Variants in RTKN observed in about 807,000 individuals in gnomAD.
RTKN encodes the protein rhotekin.
In RTKN, 49 loss-of-function variants were observed where a neutral mutation model predicts 63.5. The observed-to-expected ratio is 0.77, with a 90% CI of 0.61 to 0.98. The LOEUF (loss-of-function observed/expected upper bound fraction) is 0.98. Ranked by LOEUF, RTKN falls within the 50% of genes least tolerant of loss-of-function variation. The pLI is 0.00. For missense variants in RTKN, 685 were observed against 740.8 expected (o/e 0.92, Z 0.87); for synonymous variants, 295 against 290.4 (o/e 1.02, Z -0.16).
intron 6 of RTKN, among the ~76,000 whole-genome samples, chr2:74,429,375 C>A (rs1670607610): frequency 6.6e-6 from 1 of 152,156 alleles, no homozygotes; most frequent in Non-Finnish European, 1.5e-5. Flanking sequence ...TTAGGTACCA[C>A]CATAGGTCCC....
chr2:74,426,760 C>T, intron 11 of RTKN, 186 bp from the exon 12 acceptor site: 2 of 1,373,050 alleles, frequency 1.5e-6, no homozygotes, highest in Non-Finnish European at 1.9e-6. Flanking sequence ...TCTGATAAGA[C>T]TGTGGGACAT....
Position 74,427,236 on chromosome 2 carries a change from A to G in RTKN, c.1293T>C (p.Ile431=). ...WKQCCDEIMK[I]ETPAPRKPPQ... is the part of the protein sequence containing the mutation. The stretch of plus-strand genomic sequence containing the variant: ...GTGGTTTCCGGGGAGCAGGAGTTTC[A>G]ATTTTCATGATTTCATCACAGCACT... Residue 431 remains isoleucine, a synonymous_variant, in exon 11 of 12, where the codon ATT becomes ATC. Coordinates refer to ENST00000272430, the MANE Select transcript of RTKN (RefSeq NM_001015055.2). 1 of 1,614,128 alleles carries G rather than the reference A, an allele frequency of 6.2e-7. No homozygotes were observed. The highest frequency in any genetic ancestry group is 8.5e-7 in the Non-Finnish European group (1 of 1,180,012).
At position 74,425,899 on chromosome 2, in the gene RTKN, T is replaced by C. The variant is rs1670359971; in HGVS notation, c.*344A>G. ...GGTGAAGGCTGCTGTTAAATAACTTTAATGGTTGATGTGGGAGTCACAAGG... is the reference window on the plus strand; with the variant it reads ...GGTGAAGGCTGCTGTTAAATAACTTCAATGGTTGATGTGGGAGTCACAAGG... On this transcript the variant is annotated 3_prime_UTR_variant, in exon 12 of 12. Transcript: ENST00000272430. The C allele has an allele frequency of 1.2e-6, 1 of 858,466 alleles. No homozygotes were observed. The highest frequency in any genetic ancestry group is 1.7e-5 in the South Asian group (1 of 57,498). 53.2% of individuals were successfully genotyped at this position (858,466 alleles called of 1,614,324 possible).
chr2:74,428,777 G>A, intron 7 of RTKN, 40 bp from the exon 8 acceptor site: 1 of 1,605,848 alleles, frequency 6.2e-7, no homozygotes, highest in South Asian at 1.1e-5. Context: ...AGGGGAATGA[G>A]AAGGGGACCA....
At chr2:74,430,186 G>T in intron 5 of RTKN, 66 bp downstream of exon 5, 1 of 1,548,210 alleles carries the variant, frequency 6.5e-7, no homozygotes, top group Non-Finnish European at 8.9e-7. Flanking sequence ...TTCCTCCCCT[G>T]GAACTCGCTC....
chr2:74,428,695 C>A lies in RTKN; in HGVS notation c.893G>T (p.Cys298Phe), dbSNP rs1315465080. 3 of 1,614,064 alleles carry A rather than the reference C, an allele frequency of 1.9e-6. No homozygotes were observed. In the South Asian group the frequency reaches 3.3e-5, roughly 18 times the overall value. ...GCAGAGAGGCTGAGCTGCCAGACGG[C>A]AACACACGCTACCATAAAGGGGCAG... ...AWLPLYGSVC[C>F]RLAAQPLCMT... Residue 298 changes from cysteine (C) to phenylalanine (F), a missense_variant, in exon 8 of 12, where the codon TGC becomes TTC. Coordinates refer to ENST00000272430, the MANE Select transcript of RTKN (RefSeq NM_001015055.2).
intron 2 of RTKN, among the ~76,000 whole-genome samples, chr2:74,431,596 G>A (rs1670755445): frequency 6.6e-6 from 1 of 152,190 alleles, no homozygotes; most frequent in East Asian, 1.9e-4. Context: ...GCCTCTCAGA[G>A]GCTGTCCCCC....
chr2:74,432,763 G>T, intron 1 of RTKN, 97 bp from the exon 2 acceptor site: 2 of 972,548 alleles, frequency 2.1e-6, no homozygotes, highest in Non-Finnish European at 3.2e-6. Context: ...CAGTAAAACT[G>T]ACAAGAAACT....
chr2:74,438,275 A>T (rs772719842), intron 1 of RTKN, among the ~76,000 whole-genome samples: 3 of 152,050 alleles, frequency 2.0e-5, no homozygotes, highest in Non-Finnish European at 4.4e-5. Context: ...TTGCCCTCCC[A>T]TCCAATCCAT....
In RTKN at chr2:74,426,467, G is replaced by T. The variant is rs765601010; in HGVS notation, c.1468C>A (p.Pro490Thr). Residue 490 changes from proline (P) to threonine (T), a missense_variant, in exon 12 of 12, where the codon CCT becomes ACT. Pro to Thr is a conservative substitution (Grantham distance 38, BLOSUM62 -1). Coordinates refer to ENST00000272430, the MANE Select transcript of RTKN (RefSeq NM_001015055.2). Reference sequence around the variant, plus strand: ...GGCGAGCAGGGGTTAGGCAGGGCAGGCTGGTCTGTAAACATTGCCAGCCAG... The same window carrying T: ...GGCGAGCAGGGGTTAGGCAGGGCAGTCTGGTCTGTAAACATTGCCAGCCAG... ...PPWLAMFTDQ[P>T]ALPNPCSPAS... 1 of 1,610,294 alleles carries T rather than the reference G, an allele frequency of 6.2e-7. No individual in the cohort carries two copies. Among genetic ancestry groups the T allele is most frequent in the Non-Finnish European group, 8.5e-7 (1 of 1,178,004 alleles).
At position 74,441,743 on chromosome 2, in the gene RTKN, C is replaced by T. The variant is rs1203802055; in HGVS notation, c.74G>A (p.Gly25Asp). 1 of 1,611,898 alleles carries T rather than the reference C, an allele frequency of 6.2e-7. No individual in the cohort carries two copies. The highest frequency in any genetic ancestry group is 1.7e-5 in the Admixed American group (1 of 59,958). The change falls in exon 1 of 12, where the codon GGC (glycine) becomes GAC (aspartate). Residue 25 changes from glycine (G) to aspartate (D), a missense_variant. Physicochemically the swap from Gly to Asp is moderately conservative, Grantham distance 94. Coordinates refer to ENST00000272430, the MANE Select transcript of RTKN (RefSeq NM_001015055.2). Reference protein sequence around the residue: ...GSALEMEFKRGRFRLSLFSDL... With the variant: ...GSALEMEFKRDRFRLSLFSDL... ...GCTGAAGAGGCTGAGTCGGAAGCGG[C>T]CGCGTTTGAACTCCATCTCCAGGGC...
At position 74,426,076 on chromosome 2, in the gene RTKN, C is replaced by T; in HGVS notation, c.*167G>A. 1 of 724,282 alleles carries T rather than the reference C, an allele frequency of 1.4e-6. No individual in the cohort carries two copies. Among genetic ancestry groups the T allele is most frequent in the South Asian group, 1.7e-5 (1 of 58,010 alleles). The allele number at this position is 724,282 out of a possible 1,614,324, so 44.9% of individuals were successfully genotyped here. A position where few individuals can be genotyped will look rare whatever the true frequency, so the allele number is the denominator to read the frequency against. Reference sequence around the variant, plus strand: ...ATGAGTCCCTCGGTACCATGGCAACCACAATTTAAGAGGGGCTTCTGCCCA... The same window carrying T: ...ATGAGTCCCTCGGTACCATGGCAACTACAATTTAAGAGGGGCTTCTGCCCA... On this transcript the variant is annotated 3_prime_UTR_variant, in exon 12 of 12. Transcript: ENST00000272430.
At chr2:74,433,242 C>CA (rs58833737) in intron 1 of RTKN, among the ~76,000 whole-genome samples, 712 of 67,972 alleles carry the variant, frequency 0.01, 4 homozygotes, top group Middle Eastern at 0.041. Context: ...GACTCTGGCT[C>CA]AAAAAAAAAA....
intron 8 of RTKN, 25 bp from the exon 9 acceptor site, chr2:74,428,421 T>C (rs1488461866): frequency 6.2e-7 from 1 of 1,614,104 alleles, no homozygotes; most frequent in South Asian, 1.1e-5. Context: ...CAACATTTTC[T>C]GGGGAAGTCA....
chr2:74,441,799 G>A lies in RTKN; in HGVS notation c.18C>T (p.His6=), dbSNP rs1671381460. MFSRN[H]RSRVTVARGS... ...CCCTGGCCACGGTGACCCGGCTCCG[G>A]TGGTTTCGGGAGAACATGCTGGCGG... is the stretch of plus-strand genomic sequence containing the variant. Residue 6 remains histidine (H), a synonymous_variant, in exon 1 of 12, where the codon CAC becomes CAT. Transcript: ENST00000272430. 6.2e-7 allele frequency: 1 copy of A among 1,610,580 alleles called. No homozygotes were observed. Among genetic ancestry groups the A allele is most frequent in the Non-Finnish European group, 8.5e-7 (1 of 1,179,128 alleles).
At chr2:74,433,257 C>CATAT (rs1262494465) in intron 1 of RTKN, among the ~76,000 whole-genome samples, 10 of 144,332 alleles carry the variant, frequency 6.9e-5, no homozygotes, top group African/African-American at 1.0e-4. Flanking sequence ...AAAAAAAAAA[C>CATAT]ATATATATAT....
rs772689280 is a variant in RTKN, at chr2:74,426,429, G to C, written c.1506C>G (p.Ala502=). 9 of 1,612,268 alleles carry C rather than the reference G, an allele frequency of 5.6e-6. No individual in the cohort carries two copies. In the African/African-American group the frequency reaches 1.1e-4, roughly 19 times the overall value. Residue 502 remains alanine, a synonymous_variant, in exon 12 of 12, where the codon GCC becomes GCG. Transcript: ENST00000272430. ...LPNPCSPASV[A]PAPDWTHPLP... is the part of the protein sequence containing the mutation. ...GGGGGTGGGTCCAGTCTGGGGCTGG[G>C]GCCACTGAGGCAGGCGAGCAGGGGT...
At position 74,441,917 on chromosome 2, in the gene RTKN, C is replaced by T; in HGVS notation, c.-101G>A. The T allele has an allele frequency of 1.4e-6, 1 of 721,576 alleles. No individual in the cohort carries two copies. Among genetic ancestry groups the T allele is most frequent in the Non-Finnish European group, 2.3e-6 (1 of 430,858 alleles). 44.7% of individuals were successfully genotyped at this position (721,576 alleles called of 1,614,324 possible). On this transcript the variant is annotated 5_prime_UTR_variant, in exon 1 of 12. Coordinates refer to ENST00000272430, the MANE Select transcript of RTKN (RefSeq NM_001015055.2). ...GTCTCTCGACGCTCGTCCGCCAGTCCGGCCGGGAATCTCCCGCTGCGGGGC... is the reference window on the plus strand; with the variant it reads ...GTCTCTCGACGCTCGTCCGCCAGTCTGGCCGGGAATCTCCCGCTGCGGGGC...
At position 74,427,465 on chromosome 2, in the gene RTKN, T is replaced by C; in HGVS notation, c.1214A>G (p.Gln405Arg). ...CTGCCACAGAGCCTCCATCCAGCTC[T>C]GCAGTGCTTCCCGACTTTCTGTCTG... ...TLQTESREAL[Q>R]SWMEALWQLF... is the part of the protein sequence containing the mutation. The change falls in exon 10 of 12, where the codon CAG (glutamine) becomes CGG (arginine). Residue 405 changes from glutamine (Q) to arginine (R), a missense_variant. Physicochemically the swap from Gln to Arg is conservative, Grantham distance 43 (BLOSUM62 1). Coordinates refer to ENST00000272430, the MANE Select transcript of RTKN (RefSeq NM_001015055.2). The C allele has an allele frequency of 6.2e-7, 1 of 1,614,234 alleles. No homozygotes were observed. Among genetic ancestry groups the C allele is most frequent in the Non-Finnish European group, 8.5e-7 (1 of 1,180,040 alleles).
Sources: allele counts gnomAD v4.1 joint callset (sites outside exome capture counted in the v4.1 genomes callset), GRCh38; gene constraint gnomAD v4.1.1; transcripts MANE v1.5; gene names NCBI Gene and HGNC (gene_info 2026-07-23, HGNC 2026-07-21).